The following OTOGL variants were observed in gnomAD, a reference collection of about 807,000 sequenced individuals.
OTOGL encodes otogelin like, also known as otogelin-like protein.
OTOGL carries 285 observed loss-of-function variants against 318.5 expected under a neutral mutation model. The observed-to-expected ratio is 0.89, with a 90% CI of 0.81 to 0.99. The LOEUF (loss-of-function observed/expected upper bound fraction) is 0.99. OTOGL is among the 50% of genes least tolerant of loss of function. The pLI is 0.00. For missense variants in OTOGL, 2,899 were observed against 2,845.6 expected, an observed-to-expected ratio of 1.02 and a Z score of -0.43; for synonymous variants, 987 against 936.5, an observed-to-expected ratio of 1.05 and a Z score of -0.99.
At chr12:80,200,359 G>A (rs1026042365) in intron 1 of OTOGL, among the ~76,000 whole-genome samples, 2 of 152,166 alleles carry the variant, frequency 1.3e-5, no homozygotes, top group Non-Finnish European at 2.9e-5. Flanking sequence ...GTAAGGAGGG[G>A]ATATTTAATG....
At chr12:80,264,052 A>G (rs1882757295) in intron 19 of OTOGL, among the ~76,000 whole-genome samples, 1 of 152,164 alleles carries the variant, frequency 6.6e-6, no homozygotes, top group South Asian at 2.1e-4. Context: ...ATACTCAACA[A>G]AATAAGTTCA....
chr12:80,185,347 A>G (rs963435244), intron 1 of OTOGL, among the ~76,000 whole-genome samples: 6 of 152,102 alleles, frequency 3.9e-5, no homozygotes, highest in African/African-American at 1.4e-4. Context: ...CAGTGGTGCA[A>G]TCTTGGCTCA....
intron 1 of OTOGL, among the ~76,000 whole-genome samples, chr12:80,170,386 G>T (rs1448541179): frequency 5.3e-5 from 8 of 151,686 alleles, no homozygotes; most frequent in Non-Finnish European, 7.4e-5. Context: ...TATTTTTTTG[G>T]TGCAGTGTCT....
At chr12:80,203,422 A>G (rs1376725198) in intron 1 of OTOGL, among the ~76,000 whole-genome samples, 1 of 151,960 alleles carries the variant, frequency 6.6e-6, no homozygotes, top group Non-Finnish European at 1.5e-5. Flanking sequence ...TCATATCTGT[A>G]AAGGCTGTTT....
intron 1 of OTOGL, among the ~76,000 whole-genome samples, chr12:80,176,084 T>C (rs534399993): frequency 6.6e-6 from 1 of 152,202 alleles, no homozygotes; most frequent in Non-Finnish European, 1.5e-5. Flanking sequence ...TACTCTGCTA[T>C]AATTTTTGCC....
At chr12:80,294,674 C>G (rs12831075) in intron 26 of OTOGL, among the ~76,000 whole-genome samples, 1 of 152,174 alleles carries the variant, frequency 6.6e-6, no homozygotes, top group Admixed American at 6.5e-5. Context: ...AACCTATCCT[C>G]TAGACACTAT....
chr12:80,299,340 CAA>C (rs553374163), intron 27 of OTOGL, among the ~76,000 whole-genome samples: 191 of 152,120 alleles, frequency 1.3e-3, no homozygotes, highest in Middle Eastern at 3.4e-3. Context: ...AAAAAAGAAA[CAA>C]GAGAAAATAG....
intron 58 of OTOGL, among the ~76,000 whole-genome samples, 163 bp from the exon 59 acceptor site, chr12:80,377,685 C>T (rs1891242846): frequency 6.6e-6 from 1 of 152,028 alleles, no homozygotes; most frequent in Admixed American, 6.6e-5. Flanking sequence ...ACTTATGTGA[C>T]TGATGTTTCA....
chr12:80,244,663 T>C (rs1880705954), intron 11 of OTOGL, among the ~76,000 whole-genome samples: 1 of 149,932 alleles, frequency 6.7e-6, no homozygotes, highest in South Asian at 2.1e-4. Context: ...CAGCATGATA[T>C]ACCTTTGGGT....
intron 21 of OTOGL, 72 bp downstream of exon 21, chr12:80,266,688 C>A: frequency 1.4e-6 from 2 of 1,396,370 alleles, no homozygotes; most frequent in Non-Finnish European, 1.9e-6. Context: ...AATGAGCTTT[C>A]ATGGAAGTTT....
intron 7 of OTOGL, among the ~76,000 whole-genome samples, chr12:80,223,892 T>C (rs1021132893): frequency 1.2e-4 from 19 of 152,216 alleles, no homozygotes; most frequent in African/African-American, 3.6e-4. Flanking sequence ...CTGTTTACTC[T>C]GTTGATTATT....
At chr12:80,151,974 G>A (rs559121467) in intron 1 of OTOGL, among the ~76,000 whole-genome samples, 12 of 151,952 alleles carry the variant, frequency 7.9e-5, no homozygotes, top group African/African-American at 1.9e-4. Flanking sequence ...ATTGTTTTTC[G>A]GACAAGGAAA....
At chr12:80,139,019 C>T (rs182214480) in intron 1 of OTOGL, among the ~76,000 whole-genome samples, 26 of 152,246 alleles carry the variant, frequency 1.7e-4, no homozygotes, top group African/African-American at 6.0e-4. Flanking sequence ...ACTCACGTAT[C>T]CCACACTCCC....
intron 1 of OTOGL, among the ~76,000 whole-genome samples, chr12:80,134,510 G>C (rs1214349654): frequency 6.6e-6 from 1 of 152,048 alleles, no homozygotes; most frequent in Non-Finnish European, 1.5e-5. Flanking sequence ...TGTGATTTTG[G>C]TATCCTCCAC....
intron 19 of OTOGL, among the ~76,000 whole-genome samples, chr12:80,264,046 T>G (rs1236128932): frequency 2.6e-5 from 4 of 152,104 alleles, no homozygotes; most frequent in Admixed American, 2.6e-4. Context: ...TGTAATATAC[T>G]CAACAAAATA....
At position 80,125,174 on chromosome 12, in the gene OTOGL, T is replaced by G. The variant is rs577590864; in HGVS notation, c.-20+25569T>G. Among the ~76,000 whole-genome samples the G allele has an allele frequency of 3.9e-5, 6 of 152,320 alleles. No individual in the cohort carries two copies. The South Asian group carries it at 1.0e-3, about 26-fold the overall frequency. ...ATTCAGTATGATATTGGCTGTGGGTTTGTCATAGATAGCTCTTATTATTTT... is the reference window on the plus strand; with the variant it reads ...ATTCAGTATGATATTGGCTGTGGGTGTGTCATAGATAGCTCTTATTATTTT... On this transcript the variant is annotated intron_variant, in intron 1 of 58. Transcript: ENST00000547103.
chr12:80,370,515 A>G (rs1890811501), intron 55 of OTOGL, 55 bp from the exon 56 acceptor site: 1 of 1,376,668 alleles, frequency 7.3e-7, no homozygotes, highest in Non-Finnish European at 9.6e-7. Context: ...TATTGTACTT[A>G]ATAAATACAG....
chr12:80,179,160 T>G (rs1298120233), intron 1 of OTOGL, among the ~76,000 whole-genome samples: 1 of 152,160 alleles, frequency 6.6e-6, no homozygotes, highest in Non-Finnish European at 1.5e-5. Flanking sequence ...GGTCTGAACT[T>G]CCTGCTGGGG....
intron 1 of OTOGL, among the ~76,000 whole-genome samples, chr12:80,125,472 T>C (rs1846214994): frequency 6.6e-6 from 1 of 152,244 alleles, no homozygotes; most frequent in Non-Finnish European, 1.5e-5. Flanking sequence ...GCATCGATGT[T>C]CATCAGGGAT....
Sources: allele counts gnomAD v4.1 joint callset (sites outside exome capture counted in the v4.1 genomes callset), GRCh38; gene constraint gnomAD v4.1.1; transcripts MANE v1.5; gene names NCBI Gene and HGNC (gene_info 2026-07-23, HGNC 2026-07-21).